Variants in BCL9 observed in about 807,000 individuals in gnomAD.
BCL9 encodes the protein BCL9 transcription coactivator.
A neutral mutation model predicts 88.5 loss-of-function variants in BCL9; 25 were observed. That is an observed-to-expected ratio of 0.28 (90% CI 0.21 to 0.39). BCL9 has a LOEUF of 0.39. BCL9 is among the 10% of genes least tolerant of loss of function. The pLI is 1.00. For missense variants in BCL9, 1,817 were observed against 1,877.8 expected, an observed-to-expected ratio of 0.97 and a Z score of 0.60; for synonymous variants, 711 against 673.3, an observed-to-expected ratio of 1.06 and a Z score of -0.87.
chr1:147,552,909 G>T (rs1168306427), intron 1 of BCL9, among the ~76,000 whole-genome samples: 1 of 152,090 alleles, frequency 6.6e-6, no homozygotes, highest in Non-Finnish European at 1.5e-5. Context: ...GAGTACTAAG[G>T]TACTGACAGA....
intron 1 of BCL9, among the ~76,000 whole-genome samples, chr1:147,591,986 G>C (rs1656868143): frequency 6.6e-6 from 1 of 152,152 alleles, no homozygotes. Flanking sequence ...CTCTCACTCT[G>C]CTTAGTTTGG....
intron 6 of BCL9, 49 bp downstream of exon 6, chr1:147,614,665 C>T: frequency 6.6e-7 from 1 of 1,504,988 alleles, no homozygotes; most frequent in Non-Finnish European, 9.0e-7. Context: ...GTCTGGGGAC[C>T]TAAATTCTTA....
chr1:147,560,304 G>A (rs965198882), intron 1 of BCL9, among the ~76,000 whole-genome samples: 3 of 152,012 alleles, frequency 2.0e-5, no homozygotes, highest in East Asian at 3.9e-4. Flanking sequence ...AAGGAATAAG[G>A]CCAGGCCGGG....
chr1:147,572,473 C>T (rs1655929921), intron 1 of BCL9, among the ~76,000 whole-genome samples: 1 of 152,206 alleles, frequency 6.6e-6, no homozygotes, highest in Admixed American at 6.5e-5. Flanking sequence ...GGCTAGAGCT[C>T]TGCTGGATGG....
In BCL9 at chr1:147,555,713, C is replaced by T. The variant is rs58677502; in HGVS notation, c.-478+14039C>T. ...AAGCTTTCCCAATCATTTTTTGTCC[C>T]GGGTTCTTTAAAGTGGAGCAAGATC... On this transcript the variant is annotated intron_variant, in intron 1 of 9. Coordinates refer to ENST00000234739, the MANE Select transcript of BCL9 (RefSeq NM_004326.4). Among the ~76,000 whole-genome samples, 1,392 of 152,230 alleles carry T rather than the reference C, an allele frequency of 9.1e-3. 18 individuals carry two copies. The highest frequency in any genetic ancestry group is 0.026 in the African/African-American group (1,079 of 41,524).
chr1:147,575,371 A>G (rs1427913153), intron 1 of BCL9, among the ~76,000 whole-genome samples: 5 of 152,154 alleles, frequency 3.3e-5, no homozygotes, highest in African/African-American at 1.2e-4. Flanking sequence ...CCACCAAACC[A>G]TAAGCTCATT....
chr1:147,564,584 T>G (rs1425639586), intron 1 of BCL9, among the ~76,000 whole-genome samples: 1 of 152,218 alleles, frequency 6.6e-6, no homozygotes, highest in African/African-American at 2.4e-5. Context: ...TCTTCTCTTC[T>G]ACATCCTGAG....
chr1:147,578,861 CTTTCTTTTTT>C (rs1158356080), intron 1 of BCL9, among the ~76,000 whole-genome samples: 11 of 15,276 alleles, frequency 7.2e-4, no homozygotes, highest in Admixed American at 9.1e-4. Flanking sequence ...ATTTGGTTTT[CTTTCTTTTTT>C]TTTCTTTTTT....
At chr1:147,600,013 G>C (rs1244889460) in intron 1 of BCL9, among the ~76,000 whole-genome samples, 2 of 150,942 alleles carry the variant, frequency 1.3e-5, no homozygotes, top group Non-Finnish European at 3.0e-5. Context: ...ACGTCGGGCC[G>C]GTGGGGAGGG....
Position 147,624,150 on chromosome 1 carries a change from C to A in BCL9, c.3472C>A (p.Pro1158Thr), listed in dbSNP as rs782111243. 1.3e-6 allele frequency: 2 copies of A among 1,596,158 alleles called. No individual in the cohort carries two copies. The highest frequency in any genetic ancestry group is 1.7e-6 in the Non-Finnish European group (2 of 1,169,698). Residue 1158 changes from proline to threonine, a missense_variant, in exon 10 of 10, where the codon CCC (proline) becomes ACC (threonine). Physicochemically the swap from Pro to Thr is conservative, Grantham distance 38 (BLOSUM62 -1). Coordinates refer to ENST00000234739, the MANE Select transcript of BCL9 (RefSeq NM_004326.4). This position sits in a 1 kb window ranked among gnomAD's most constrained non-coding sequence, Gnocchi z 4.4. ...GCAGGTTCCATTCCCTCACAATGGC[C>A]CCAGTGGGGGGCAGGGCAGCTTCCC... ...PQQVPFPHNGPSGGQGSFPGG... is the reference protein window; with the variant it reads ...PQQVPFPHNGTSGGQGSFPGG...
intron 1 of BCL9, among the ~76,000 whole-genome samples, chr1:147,583,643 CAA>C (rs1656467870): frequency 6.6e-6 from 1 of 151,682 alleles, no homozygotes; most frequent in Admixed American, 6.6e-5. Flanking sequence ...TGTATGTAAT[CAA>C]GTCTATTCAA....
In BCL9 at chr1:147,624,241, C is replaced by G; in HGVS notation, c.3563C>G (p.Ala1188Gly). Residue 1188 changes from alanine to glycine, a missense_variant, in exon 10 of 10, where the codon GCA becomes GGA. Ala to Gly is a moderately conservative substitution (Grantham distance 60, BLOSUM62 0). Around this residue, in one of 2 missense-constraint regions of BCL9, gnomAD observed 589 missense variants for 686.2 expected, o/e 0.86. Transcript: ENST00000234739. The surrounding 1 kb of genome is among the most constrained non-coding windows in gnomAD (Gnocchi z 4.4). Reference protein sequence around the residue: ...GRPSNLPQSSADAALCKPGGP... With the variant: ...GRPSNLPQSSGDAALCKPGGP... The stretch of plus-strand genomic sequence containing the variant: ...CCCAGCAACCTGCCCCAAAGTTCAG[C>G]AGATGCAGCACTTTGCAAGCCTGGA... 6.2e-7 allele frequency: 1 copy of G among 1,613,720 alleles called. No homozygotes were observed. The highest frequency in any genetic ancestry group is 8.5e-7 in the Non-Finnish European group (1 of 1,179,650).
intron 7 of BCL9, 39 bp from the exon 8 acceptor site, chr1:147,618,777 A>C (rs1190365293): frequency 1.4e-6 from 2 of 1,476,346 alleles, no homozygotes; most frequent in Non-Finnish European, 1.8e-6. Flanking sequence ...CCTTCTGTTC[A>C]GTTTACTAAT....
intron 1 of BCL9, among the ~76,000 whole-genome samples, chr1:147,551,326 A>G (rs1296941975): frequency 6.6e-6 from 1 of 152,188 alleles, no homozygotes; most frequent in Non-Finnish European, 1.5e-5. Context: ...TATAATTGCT[A>G]AGTGACTGAG....
At chr1:147,587,036 C>CTCTCTA (rs1366053448) in intron 1 of BCL9, among the ~76,000 whole-genome samples, 3 of 150,594 alleles carry the variant, frequency 2.0e-5, no homozygotes, top group Non-Finnish European at 4.4e-5. Context: ...CTCTCTCTCT[C>CTCTCTA]TATATATGTA....
rs1553205887 is a variant in BCL9 at position 147,623,832 on chromosome 1, A to G, written c.3164-10A>G. On this transcript the variant is annotated splice_polypyrimidine_tract_variant and intron_variant, in intron 9 of 9. Coordinates refer to ENST00000234739, the MANE Select transcript of BCL9 (RefSeq NM_004326.4). ...TTAAGTTGATTCCTTTGATATCTTT[A>G]TTTTTCTAGGAATGGGCATTAATAC... 13 of 1,596,618 alleles carry G rather than the reference A, an allele frequency of 8.1e-6. No individual in the cohort carries two copies. The highest frequency in any genetic ancestry group is 1.1e-5 in the Non-Finnish European group (13 of 1,169,506).
intron 1 of BCL9, among the ~76,000 whole-genome samples, chr1:147,571,250 C>T (rs1343826174): frequency 6.6e-6 from 1 of 152,004 alleles, no homozygotes; most frequent in East Asian, 1.9e-4. Context: ...TTTATTATCC[C>T]CATTTTACCT....
At chr1:147,583,390 G>A (rs782299307) in intron 1 of BCL9, among the ~76,000 whole-genome samples, 6 of 151,754 alleles carry the variant, frequency 4.0e-5, no homozygotes, top group South Asian at 2.1e-4. Context: ...TAATCCTCCC[G>A]CCTCAGCCTC....
rs1658920458 is a variant in BCL9, at chr1:147,625,873, G to A, written c.*914G>A. 1 of 232,976 alleles carries A rather than the reference G, an allele frequency of 4.3e-6. No homozygotes were observed. The highest frequency in any genetic ancestry group is 5.6e-5 in the Admixed American group (1 of 17,746). The allele number at this position is 232,976 out of a possible 1,614,324, so 14.4% of individuals were successfully genotyped here. A position where few individuals can be genotyped will look rare whatever the true frequency, so the allele number is the denominator to read the frequency against. On this transcript the variant is annotated 3_prime_UTR_variant, in exon 10 of 10. Coordinates refer to ENST00000234739, the MANE Select transcript of BCL9 (RefSeq NM_004326.4). ...CTAGCAAAGCCTCGCCTTCCATGCC[G>A]AGCGTCCTCTTGGCTCTGAGAGGGA... is the stretch of plus-strand genomic sequence containing the variant.
Sources: gnomAD v4.1 joint callset for allele counts (sites outside exome capture counted in the v4.1 genomes callset) on GRCh38, gnomAD v4.1.1 for gene constraint, gnomAD v4.1.1 regional missense constraint, Gnocchi (gnomAD v3.1) non-coding constraint, MANE v1.5 for transcripts, NCBI Gene and HGNC (gene_info 2026-07-23, HGNC 2026-07-21) for gene names.